The following SPATA13 variants were observed in gnomAD, a reference collection of about 807,000 sequenced individuals.
SPATA13 encodes spermatogenesis-associated protein 13.
Under a neutral mutation model 104.0 loss-of-function variants are expected in SPATA13, and 50 were observed. That is an observed-to-expected ratio of 0.48 (90% CI 0.38 to 0.61). The LOEUF (loss-of-function observed/expected upper bound fraction) is 0.61, where lower values mean the gene tolerates loss of function less well. Ranked by LOEUF, SPATA13 falls within the 20% of genes least tolerant of loss-of-function variation. The probability of loss-of-function intolerance (pLI) is 0.00; values close to 1 mark genes in which losing one functional copy is unlikely to be tolerated. For missense variants in SPATA13, 1,524 were observed against 1,690.6 expected, an observed-to-expected ratio of 0.90 and a Z score of 1.73; for synonymous variants, 606 against 667.5, an observed-to-expected ratio of 0.91 and a Z score of 1.42.
chr13:24,111,686 A>G (rs1226769114), intron 3 of SPATA13, among the ~76,000 whole-genome samples: 1 of 152,220 alleles, frequency 6.6e-6, no homozygotes, highest in African/African-American at 2.4e-5. Context: ...AATTATAGAC[A>G]TGAGCCGCCA....
At chr13:24,210,307 T>G (rs964592061) in intron 1 of SPATA13, among the ~76,000 whole-genome samples, 5 of 152,244 alleles carry the variant, frequency 3.3e-5, no homozygotes, top group African/African-American at 1.2e-4. Context: ...TTGCTTTTGT[T>G]GCCTACGCTT....
intron 3 of SPATA13, among the ~76,000 whole-genome samples, chr13:24,132,076 G>C (rs879819175): frequency 6.6e-6 from 1 of 152,214 alleles, no homozygotes; most frequent in Non-Finnish European, 1.5e-5. Flanking sequence ...AGGAGAAGTA[G>C]CTGACATGTG....
chr13:24,263,972 T>C (rs1290300087), intron 4 of SPATA13, among the ~76,000 whole-genome samples: 2 of 152,230 alleles, frequency 1.3e-5, no homozygotes, highest in African/African-American at 4.8e-5. Flanking sequence ...GGACTACAAA[T>C]ATGGCCTTTA....
chr13:24,018,472 A>G (rs866586678), intron 3 of SPATA13, among the ~76,000 whole-genome samples: 15 of 152,304 alleles, frequency 9.8e-5, no homozygotes, highest in Middle Eastern at 6.8e-3. Flanking sequence ...CTTTTTCTCC[A>G]ATTAAAGTGG....
At chr13:24,282,785 C>T (rs374825431) in intron 4 of SPATA13, among the ~76,000 whole-genome samples, 1 of 152,230 alleles carries the variant, frequency 6.6e-6, no homozygotes. Context: ...AAAGTTTCAC[C>T]TGCATTCTGT....
rs1871751539 is a variant in SPATA13 at position 24,223,761 on chromosome 13, A to G, written c.832A>G (p.Arg278Gly). The change falls in exon 2 of 13, where the codon AGG becomes GGG. Residue 278 changes from arginine (R) to glycine (G), a missense_variant. Coordinates refer to ENST00000382108, the MANE Select transcript of SPATA13 (RefSeq NM_001166271.3). ...GTCCACCTCCAATCTTGCAGACCTC[A>G]GGACGGCCCATGACGCACGGGTACC... ...RKSTSNLADL[R>G]TAHDARVPQR... The G allele has an allele frequency of 1.3e-6, 2 of 1,551,588 alleles. No individual in the cohort carries two copies. Among genetic ancestry groups the G allele is most frequent in the South Asian group, 1.2e-5 (1 of 84,066 alleles).
chr13:24,294,057 A>G (rs1876587069), intron 9 of SPATA13, among the ~76,000 whole-genome samples: 1 of 152,200 alleles, frequency 6.6e-6, no homozygotes, highest in Non-Finnish European at 1.5e-5. Flanking sequence ...CAGATACTGG[A>G]CATGCTCTGT....
At chr13:24,167,277 C>CA (rs1164402526) in intron 1 of SPATA13, among the ~76,000 whole-genome samples, 1 of 152,094 alleles carries the variant, frequency 6.6e-6, no homozygotes, top group Non-Finnish European at 1.5e-5. Context: ...GTGGTGGCAC[C>CA]ACGTCTGTTG....
rs191343121 is a variant in SPATA13 at position 24,188,312 on chromosome 13, A to G, written c.-112+27380A>G. 5.7e-3 allele frequency among the ~76,000 whole-genome samples: 853 copies of G among 149,878 alleles called. 7 individuals are homozygous for G. The highest frequency in any genetic ancestry group is 0.019 in the African/African-American group (798 of 40,948). On this transcript the variant is annotated intron_variant, in intron 1 of 12. Coordinates refer to ENST00000382108, the MANE Select transcript of SPATA13 (RefSeq NM_001166271.3). ...ATGTCACTGCACTCCAGCCTGGGCAACAGAGCGAGACTCCATCTCCAAAAA... is the reference window on the plus strand; with the variant it reads ...ATGTCACTGCACTCCAGCCTGGGCAGCAGAGCGAGACTCCATCTCCAAAAA...
intron 1 of SPATA13, among the ~76,000 whole-genome samples, chr13:24,179,434 T>C (rs938321444): frequency 6.6e-6 from 1 of 152,226 alleles, no homozygotes; most frequent in Non-Finnish European, 1.5e-5. Context: ...TGATGTGTGC[T>C]ATTTAAAAAT....
intron 1 of SPATA13, among the ~76,000 whole-genome samples, chr13:24,176,071 G>A (rs979190898): frequency 6.6e-6 from 1 of 152,190 alleles, no homozygotes; most frequent in Non-Finnish European, 1.5e-5. Flanking sequence ...GGGGATCTGA[G>A]CTTGCTCAGC....
At chr13:24,123,980 A>G (rs913971386) in intron 3 of SPATA13, among the ~76,000 whole-genome samples, 1 of 152,170 alleles carries the variant, frequency 6.6e-6, no homozygotes, top group Non-Finnish European at 1.5e-5. Context: ...AGGAAGGCTC[A>G]GGGGCCCTGT....
In SPATA13 at chr13:24,191,319, C is replaced by G. The variant is rs539249534; in HGVS notation, c.-112+30387C>G. ...ATGTACATTTTTTTCAAACATAATG[C>G]TATTACACACATGGTAGACTACAGT... On this transcript the variant is annotated intron_variant, in intron 1 of 12. Transcript: ENST00000382108. Among the ~76,000 whole-genome samples, 5 of 151,928 alleles carry G rather than the reference C, an allele frequency of 3.3e-5. No homozygotes were observed. The East Asian group carries it at 9.7e-4, about 29-fold the overall frequency.
At chr13:24,274,196 G>T (rs1357627170) in intron 4 of SPATA13, among the ~76,000 whole-genome samples, 3 of 152,188 alleles carry the variant, frequency 2.0e-5, no homozygotes. Context: ...GTGGCTTGCT[G>T]CATGGACAGG....
intron 1 of SPATA13, among the ~76,000 whole-genome samples, chr13:24,220,872 G>A (rs766082498): frequency 3.3e-5 from 5 of 152,216 alleles, no homozygotes; most frequent in East Asian, 1.9e-4. Context: ...AACATGGGGC[G>A]TAGGAGCAGA....
intron 10 of SPATA13, among the ~76,000 whole-genome samples, chr13:24,295,660 A>C (rs964581493): frequency 5.6e-5 from 5 of 89,276 alleles, no homozygotes; most frequent in African/African-American, 2.3e-4. Flanking sequence ...TAATGGTCCA[A>C]CAAATTCTCA....
intron 7 of SPATA13, among the ~76,000 whole-genome samples, chr13:24,287,166 A>C (rs1032292357): frequency 1.3e-5 from 2 of 152,146 alleles, no homozygotes; most frequent in East Asian, 3.9e-4. Context: ...TTTCAGAGAC[A>C]AGGCTTTTCT....
intron 3 of SPATA13, among the ~76,000 whole-genome samples, chr13:24,096,286 G>C (rs963743758): frequency 4.6e-5 from 7 of 152,144 alleles, no homozygotes; most frequent in Admixed American, 2.6e-4. Context: ...AAAGAAAAAA[G>C]AGTGTTATAA....
At chr13:24,089,589 T>G (rs1407914379) in intron 3 of SPATA13, among the ~76,000 whole-genome samples, 1 of 152,198 alleles carries the variant, frequency 6.6e-6, no homozygotes, top group Non-Finnish European at 1.5e-5. Context: ...ATAGTATAAA[T>G]GTACCTTTTA....
Sources: allele counts gnomAD v4.1 joint callset (sites outside exome capture counted in the v4.1 genomes callset), GRCh38; gene constraint gnomAD v4.1.1; transcripts MANE v1.5; gene names NCBI Gene and HGNC (gene_info 2026-07-23, HGNC 2026-07-21).